The following RPH3AL variants were observed in gnomAD, a reference collection of about 807,000 sequenced individuals.
RPH3AL encodes the protein rab effector Noc2.
Under a neutral mutation model 43.1 loss-of-function variants are expected in RPH3AL, and 38 were observed. That is an observed-to-expected ratio of 0.88 (90% confidence interval 0.68 to 1.15). The LOEUF (loss-of-function observed/expected upper bound fraction) is 1.15. Ranked by LOEUF, RPH3AL falls within the 50% of genes most tolerant of loss-of-function variation. The probability of loss-of-function intolerance (pLI) is 0.00; values close to 1 mark genes in which losing one functional copy is unlikely to be tolerated. For missense variants in RPH3AL, 462 were observed against 423.2 expected (o/e 1.09, Z -0.81); for synonymous variants, 189 against 176.3 (o/e 1.07, Z -0.57).
rs1212976424 is a variant in RPH3AL, at chr17:323,660, CAGA to C, written c.78-2248_78-2246del. ...AGAAAGGAAGGGTCCCAGGAACACACAGAAGGAGGGACAGAAGCATCAGCACCG... is the reference window on the plus strand; with the variant it reads ...AGAAAGGAAGGGTCCCAGGAACACACAGGAGGGACAGAAGCATCAGCACCG... On this transcript the variant is annotated intron_variant, in intron 3 of 9. Coordinates refer to ENST00000331302, the MANE Select transcript of RPH3AL (RefSeq NM_006987.4). The surrounding 1 kb of genome is among the most constrained non-coding windows in gnomAD (Gnocchi z 4.4). 6.6e-6 allele frequency among the ~76,000 whole-genome samples: 1 copy of C among 152,160 alleles called. No individual in the cohort carries two copies. Among genetic ancestry groups the C allele is most frequent in the Non-Finnish European group, 1.5e-5 (1 of 68,006 alleles).
chr17:349,433 C>T (rs768243667), intron 1 of RPH3AL: 1 of 152,212 alleles, frequency 6.6e-6, no homozygotes. Context: ...TCCCAACATC[C>T]AGGGGCCAGG....
intron 5 of RPH3AL, among the ~76,000 whole-genome samples, chr17:284,425 G>A (rs1442384447): frequency 2.0e-5 from 3 of 152,154 alleles, no homozygotes; most frequent in African/African-American, 4.8e-5. Context: ...CTGCTCAGGC[G>A]GGTCCCTGGG....
At position 216,921 on chromosome 17, in the gene RPH3AL, C is replaced by T. The variant is rs919977354; in HGVS notation, c.728-1119G>A. ...TTTGCCAGCTCTGATTTAGCTCAAACTTCCATTCCCAACCCAGTCTTGGTC... is the reference window on the plus strand; with the variant it reads ...TTTGCCAGCTCTGATTTAGCTCAAATTTCCATTCCCAACCCAGTCTTGGTC... On this transcript the variant is annotated intron_variant, in intron 8 of 9. Transcript: ENST00000331302. Among the ~76,000 whole-genome samples, 21 of 152,188 alleles carry T rather than the reference C, an allele frequency of 1.4e-4. 1 individual carries two copies. The highest frequency in any genetic ancestry group is 4.1e-4 in the South Asian group (2 of 4,828).
intron 5 of RPH3AL, among the ~76,000 whole-genome samples, chr17:311,877 C>A (rs7222726): frequency 0.11 from 17,228 of 152,022 alleles, 1,088 homozygotes; most frequent in Middle Eastern, 0.16. Context: ...GAACTGTGTC[C>A]CTTCAAAATT....
At chr17:272,985 TACG>T (rs1567604483) in intron 6 of RPH3AL, among the ~76,000 whole-genome samples, 96 of 36,316 alleles carry the variant, frequency 2.6e-3, no homozygotes, top group Middle Eastern at 0.017. Flanking sequence ...CAGCAAGGGC[TACG>T]TCAGGGTGAG....
Position 235,953 on chromosome 17 carries a change from G to C in RPH3AL, c.613+11158C>G, listed in dbSNP as rs1328860093. Reference sequence around the variant, plus strand: ...CTCCGCACTAACAAGACAGATCCAGGGTTCAAAGCTGGGGTCGGCCAAGGC... The same window carrying C: ...CTCCGCACTAACAAGACAGATCCAGCGTTCAAAGCTGGGGTCGGCCAAGGC... On this transcript the variant is annotated intron_variant, in intron 7 of 9. Transcript: ENST00000331302. 2.0e-5 allele frequency among the ~76,000 whole-genome samples: 3 copies of C among 150,726 alleles called. No homozygotes were observed. In the South Asian group the frequency reaches 6.3e-4, roughly 32 times the overall value.
intron 3 of RPH3AL, among the ~76,000 whole-genome samples, chr17:324,679 C>G (rs2044568004): frequency 6.6e-6 from 1 of 151,412 alleles, no homozygotes; most frequent in Non-Finnish European, 1.5e-5. Flanking sequence ...TTCTTTCTAT[C>G]TTTCTATCTA....
intron 6 of RPH3AL, among the ~76,000 whole-genome samples, chr17:250,477 TG>T (rs2041873014): frequency 9.4e-6 from 1 of 106,816 alleles, no homozygotes; most frequent in Admixed American, 9.5e-5. Flanking sequence ...GCCATCGCTG[TG>T]GGACCTCTCG....
intron 6 of RPH3AL, among the ~76,000 whole-genome samples, chr17:272,985 T>TCAGGGAGAGACCCCAGCGAGGGTG (rs1567604470): frequency 1.1e-4 from 4 of 36,358 alleles, no homozygotes; most frequent in Admixed American, 3.2e-4. Context: ...CAGCAAGGGC[T>TCAGGGAGAGACCCCAGCGAGGGTG]ACGTCAGGGT....
At chr17:314,802 A>C (rs62053698) in intron 5 of RPH3AL, among the ~76,000 whole-genome samples, 3 of 1,502 alleles carry the variant, frequency 2.0e-3, no homozygotes, top group African/African-American at 4.1e-3. Context: ...TAGTCCCTGT[A>C]CTCCACGTCC....
At chr17:219,126 C>G (rs1028342212) in intron 8 of RPH3AL, among the ~76,000 whole-genome samples, 2 of 151,322 alleles carry the variant, frequency 1.3e-5, no homozygotes, top group Non-Finnish European at 2.9e-5. Context: ...TGTAGAAGAA[C>G]TCCTTGGACA....
intron 5 of RPH3AL, among the ~76,000 whole-genome samples, chr17:296,872 C>T (rs2043193334): frequency 6.6e-6 from 1 of 152,208 alleles, no homozygotes; most frequent in Non-Finnish European, 1.5e-5. Context: ...AAGGAACCCA[C>T]CAGCTCCGCT....
rs543788308 is a variant in RPH3AL at position 281,527 on chromosome 17, C to T, written c.438+241G>A. Among the ~76,000 whole-genome samples the T allele has an allele frequency of 3.9e-3, 600 of 152,078 alleles. 3 individuals carry two copies. Among genetic ancestry groups the T allele is most frequent in the African/African-American group, 0.014 (560 of 41,470 alleles). On this transcript the variant is annotated intron_variant, in intron 6 of 9. Coordinates refer to ENST00000331302, the MANE Select transcript of RPH3AL (RefSeq NM_006987.4). ...CCTCGGACTCTCCCACGTGTAGAAC[C>T]TGCCACCCCTGCATAGGGGAAGTGG...
rs1246708118 is a variant in RPH3AL, at chr17:328,815, G to T, written c.-36-1236C>A. On this transcript the variant is annotated intron_variant, in intron 2 of 9. Transcript: ENST00000331302. This position sits in a 1 kb window ranked among gnomAD's most constrained non-coding sequence, Gnocchi z 4.2. ...TTATTATTTGGCCGTAAAAAGGAAT[G>T]AAGTGCTAATACCAGCTACAACATG... Among the ~76,000 whole-genome samples, 1 of 152,160 alleles carries T rather than the reference G, an allele frequency of 6.6e-6. No homozygotes were observed. The highest frequency in any genetic ancestry group is 2.4e-5 in the African/African-American group (1 of 41,394).
chr17:252,493 C>T (rs1555542930), intron 6 of RPH3AL, among the ~76,000 whole-genome samples: 1 of 152,104 alleles, frequency 6.6e-6, no homozygotes, highest in East Asian at 1.9e-4. Context: ...CTGTTCCCAC[C>T]CTGTCCCCCA....
At chr17:268,315 G>T (rs1160374634) in intron 6 of RPH3AL, among the ~76,000 whole-genome samples, 1 of 152,022 alleles carries the variant, frequency 6.6e-6, no homozygotes, top group Non-Finnish European at 1.5e-5. Flanking sequence ...AGACCTTCAC[G>T]ATGACCCACT....
At chr17:240,237 CA>C (rs56048443) in intron 7 of RPH3AL, among the ~76,000 whole-genome samples, 3,292 of 140,084 alleles carry the variant, frequency 0.024, 99 homozygotes, top group African/African-American at 0.08. Context: ...AACTCCATCT[CA>C]AAAAAAAAAA....
At chr17:261,146 A>C (rs1034729983) in intron 6 of RPH3AL, among the ~76,000 whole-genome samples, 1 of 152,238 alleles carries the variant, frequency 6.6e-6, no homozygotes, top group African/African-American at 2.4e-5. Context: ...TGCAAGGCTT[A>C]AGTAACTCAA....
chr17:315,456 C>A (rs62054961), intron 5 of RPH3AL, among the ~76,000 whole-genome samples: 4 of 121,274 alleles, frequency 3.3e-5, no homozygotes, highest in African/African-American at 9.0e-5. Flanking sequence ...CCTCCATTGA[C>A]CTGTAGTCCC....
Sources: allele counts gnomAD v4.1 joint callset (sites outside exome capture counted in the v4.1 genomes callset), GRCh38; gene constraint gnomAD v4.1.1; non-coding constraint Gnocchi (gnomAD v3.1); transcripts MANE v1.5; gene names NCBI Gene and HGNC (gene_info 2026-07-23, HGNC 2026-07-21).